LOC102723971: variants seen among roughly 807,000 people sequenced by gnomAD.
At chr9:135,614,702 G>C in the LOC102723971 span, among the ~76,000 whole-genome samples, 111 of 152,238 alleles carry the variant, frequency 7.3e-4, no homozygotes, top group Non-Finnish European at 1.3e-3. Flanking sequence ...GGGTCCCAGG[G>C]GACCCAGCCG....
chr9:135,616,663 G>T, the LOC102723971 span: 4 of 398,576 alleles, frequency 1.0e-5, no homozygotes, highest in African/African-American at 8.2e-5. Flanking sequence ...AGGCTCATGT[G>T]AGTGCCCCTG....
the LOC102723971 span, chr9:135,616,883 A>G: frequency 1.5e-5 from 6 of 398,646 alleles, no homozygotes; most frequent in Non-Finnish European, 2.7e-5. Flanking sequence ...GGCATCGTGC[A>G]TCAGCTGGCC....
At chr9:135,614,293 G>A in the LOC102723971 span, 17 of 398,818 alleles carry the variant, frequency 4.3e-5, no homozygotes, top group South Asian at 1.3e-4. Context: ...TGGGCCTGGC[G>A]GGTGCCCAGA....
At chr9:135,616,780 C>A in the LOC102723971 span, 1 of 398,298 alleles carries the variant, frequency 2.5e-6, no homozygotes. Flanking sequence ...TGGGGGAAGA[C>A]CGGGTGCTGG....
chr9:135,614,187 C>T, the LOC102723971 span: 7 of 398,332 alleles, frequency 1.8e-5, no homozygotes, highest in African/African-American at 4.1e-5. Flanking sequence ...CAGGTGGGTC[C>T]GGGCAGCGCA....
the LOC102723971 span, chr9:135,616,461 C>A: frequency 2.5e-6 from 1 of 396,170 alleles, no homozygotes; most frequent in Non-Finnish European, 4.4e-6. Flanking sequence ...GACAGGAGGG[C>A]TCTCAGCTGG....
the LOC102723971 span, chr9:135,619,097 T>A: frequency 2.5e-6 from 1 of 399,024 alleles, no homozygotes; most frequent in Non-Finnish European, 4.4e-6. Flanking sequence ...TCTCAGGGAC[T>A]CAAGGAAGCT....
At chr9:135,615,148 G>T in the LOC102723971 span, among the ~76,000 whole-genome samples, 1 of 152,198 alleles carries the variant, frequency 6.6e-6, no homozygotes, top group East Asian at 1.9e-4. Flanking sequence ...CGAACCTGGG[G>T]CCTGAGAGCC....
the LOC102723971 span, among the ~76,000 whole-genome samples, chr9:135,615,194 C>T: frequency 1.3e-5 from 2 of 152,194 alleles, no homozygotes; most frequent in Non-Finnish European, 2.9e-5. Flanking sequence ...CAGCCGGGCA[C>T]TAGCCAGCCT....
At chr9:135,618,237 T>A in the LOC102723971 span, among the ~76,000 whole-genome samples, 4 of 152,098 alleles carry the variant, frequency 2.6e-5, no homozygotes, top group Admixed American at 6.5e-5. Context: ...ATGGGTCCAA[T>A]GCCGTCTCCA....
chr9:135,616,844 G>A, the LOC102723971 span: 1 of 398,588 alleles, frequency 2.5e-6, no homozygotes, highest in South Asian at 1.3e-4. Context: ...GGCATGGGGG[G>A]GTCCAGGGCC....
the LOC102723971 span, chr9:135,618,164 C>G: frequency 5.0e-6 from 2 of 396,116 alleles, no homozygotes. Flanking sequence ...CCCCTTACGG[C>G]CAGGCCTGTG....
the LOC102723971 span, among the ~76,000 whole-genome samples, chr9:135,614,590 C>T: frequency 5.3e-5 from 8 of 152,164 alleles, no homozygotes; most frequent in African/African-American, 1.4e-4. Context: ...TCCCTCTCTC[C>T]GGGCTGCGGA....
At chr9:135,614,839 G>A in the LOC102723971 span, among the ~76,000 whole-genome samples, 1 of 152,038 alleles carries the variant, frequency 6.6e-6, no homozygotes, top group Non-Finnish European at 1.5e-5. Flanking sequence ...AGGGATGGAG[G>A]GACACCCGGC....
the LOC102723971 span, chr9:135,618,961 C>G: frequency 2.5e-6 from 1 of 400,584 alleles, no homozygotes; most frequent in Non-Finnish European, 4.4e-6. Context: ...GAGCCTAGGT[C>G]TGGCGGTTCT....
At chr9:135,615,293 G>A in the LOC102723971 span, 4 of 397,158 alleles carry the variant, frequency 1.0e-5, no homozygotes, top group East Asian at 7.1e-5. Flanking sequence ...CCACACCCCT[G>A]CATGTGGAGG....
the LOC102723971 span, among the ~76,000 whole-genome samples, chr9:135,619,885 A>ATCTCCCCCGTCTCCCCCT: frequency 6.2e-5 from 1 of 16,128 alleles, no homozygotes; most frequent in Admixed American, 7.3e-4. Context: ...CTTCTCCCCA[A>ATCTCCCCCGTCTCCCCCT]TCTCCCCCGT....
chr9:135,614,878 C>G, the LOC102723971 span, among the ~76,000 whole-genome samples: 1 of 152,118 alleles, frequency 6.6e-6, no homozygotes, highest in Non-Finnish European at 1.5e-5. Context: ...CTCTGCCCTC[C>G]CTGACCAGGG....
chr9:135,616,107 C>A, the LOC102723971 span, among the ~76,000 whole-genome samples: 2 of 152,182 alleles, frequency 1.3e-5, no homozygotes, highest in Non-Finnish European at 2.9e-5. Flanking sequence ...AAACTGAAGA[C>A]CCCGGAGCAA....
Sources: allele counts gnomAD v4.1 joint callset (sites outside exome capture counted in the v4.1 genomes callset), GRCh38; gene constraint gnomAD v4.1.1; transcripts MANE v1.5.